RPS29: variants seen among roughly 807,000 people sequenced by gnomAD.
RPS29 encodes small ribosomal subunit protein uS14.
For synonymous variants in RPS29, 37 were observed against 26.9 expected, an observed-to-expected ratio of 1.37 and a Z score of -1.16; for missense variants, 60 against 75.7, an observed-to-expected ratio of 0.79 and a Z score of 0.77.
downstream of RPS29, among the ~76,000 whole-genome samples, chr14:49,581,387 C>G (rs955995126): frequency 1.4e-4 from 21 of 152,132 alleles, 1 homozygote; most frequent in Admixed American, 1.2e-3. Flanking sequence ...ACTTGGATGT[C>G]TAAGACAAGT....
intron 1 of RPS29, chr14:49,597,534 T>C (rs1374546492): frequency 1.3e-5 from 2 of 152,236 alleles, no homozygotes; most frequent in African/African-American, 4.8e-5. Flanking sequence ...CTATAAAGTC[T>C]AATAGTCTGA....
At chr14:49,586,707 T>G (rs959375870), upstream of RPS29, 2 of 268,484 alleles carry the variant, frequency 7.4e-6, no homozygotes, top group East Asian at 8.0e-5. Flanking sequence ...AAGTTCGGCA[T>G]CAATATGGTG....
chr14:49,587,592 G>A (rs1261067345), upstream of RPS29, among the ~76,000 whole-genome samples: 1 of 152,206 alleles, frequency 6.6e-6, no homozygotes, highest in Non-Finnish European at 1.5e-5. Context: ...ATTAAGGAAG[G>A]AGGGGAGTCA....
At chr14:49,576,001 C>G (rs1594565872) in exon 3 of RPS29, 1 of 152,162 alleles carries the variant, frequency 6.6e-6, no homozygotes, top group Non-Finnish European at 1.5e-5. Context: ...CACACATAAT[C>G]TAGGCTAATT....
At chr14:49,584,356 C>T (rs1485608399) in intron 2 of RPS29, among the ~76,000 whole-genome samples, 3 of 152,202 alleles carry the variant, frequency 2.0e-5, no homozygotes, top group Non-Finnish European at 2.9e-5. Flanking sequence ...TCAAATTAGG[C>T]GAACCTCCTC....
downstream of RPS29, chr14:49,583,452 G>C (rs377078566): frequency 3.3e-4 from 139 of 419,200 alleles, 1 homozygote; most frequent in African/African-American, 2.6e-3. Flanking sequence ...GTTGCAGTGA[G>C]CCGAGATCGC....
intron 1 of RPS29, chr14:49,592,454 G>A (rs1881735549): frequency 7.1e-6 from 1 of 141,356 alleles, no homozygotes; most frequent in African/African-American, 2.7e-5. Context: ...CTCAACCTCT[G>A]TCTCCCGGGT....
upstream of RPS29, among the ~76,000 whole-genome samples, chr14:49,588,933 C>T (rs1056223535): frequency 7.1e-6 from 1 of 141,460 alleles, no homozygotes; most frequent in Non-Finnish European, 1.5e-5. Context: ...GCTCTGTGAC[C>T]CAGGCTGGAG....
chr14:49,575,293 T>G (rs1881150724), exon 3 of RPS29: 1 of 152,290 alleles, frequency 6.6e-6, no homozygotes, highest in Non-Finnish European at 1.5e-5. Context: ...TCCACCCGCC[T>G]CAGCCTCCCA....
At chr14:49,571,880 T>C (rs1881065066) in exon 3 of RPS29, 1 of 152,182 alleles carries the variant, frequency 6.6e-6, no homozygotes, top group South Asian at 2.1e-4. Flanking sequence ...TCCTGAGTAA[T>C]GTGAGTCATT....
exon 1 of RPS29, chr14:49,598,649 G>A (rs1201511331): frequency 7.1e-6 from 5 of 700,718 alleles, no homozygotes; most frequent in African/African-American, 7.0e-5. Flanking sequence ...CCCGCAACGC[G>A]TAAAGCGTCA....
intron 2 of RPS29, among the ~76,000 whole-genome samples, chr14:49,584,562 C>G (rs1881450080): frequency 6.6e-6 from 1 of 152,008 alleles, no homozygotes; most frequent in Non-Finnish European, 1.5e-5. Context: ...GTCAGGACCT[C>G]AAGACCAGCT....
chr14:49,596,804 G>T (rs1215617722), intron 1 of RPS29, among the ~76,000 whole-genome samples: 1 of 147,282 alleles, frequency 6.8e-6, no homozygotes, highest in Non-Finnish European at 1.5e-5. Context: ...TTGAGACAAG[G>T]TCTCGCTCTG....
chr14:49,575,458 A>G (rs1881154344), exon 3 of RPS29: 1 of 152,210 alleles, frequency 6.6e-6, no homozygotes, highest in Non-Finnish European at 1.5e-5. Context: ...ACAAACAAAT[A>G]ATGGGAATCC....
At chr14:49,586,604 T>G, upstream of RPS29, 1 of 506,260 alleles carries the variant, frequency 2.0e-6, no homozygotes, top group Non-Finnish European at 3.6e-6. Flanking sequence ...CGCGTGCCTG[T>G]AGTCCCAGCT....
At chr14:49,583,881 G>A (rs1039808616) in intron 2 of RPS29, among the ~76,000 whole-genome samples, 7 of 152,260 alleles carry the variant, frequency 4.6e-5, no homozygotes, top group African/African-American at 1.7e-4. Flanking sequence ...TTTTAGTAAC[G>A]CTATCGCACT....
intron 1 of RPS29, among the ~76,000 whole-genome samples, chr14:49,592,012 T>A (rs1309154905): frequency 6.6e-6 from 1 of 152,168 alleles, no homozygotes; most frequent in Non-Finnish European, 1.5e-5. Flanking sequence ...GCCAGACATA[T>A]ATCTTTATCT....
At chr14:49,598,611 C>T (rs1881895820) in exon 1 of RPS29, 1 of 701,648 alleles carries the variant, frequency 1.4e-6, no homozygotes, top group Non-Finnish European at 2.6e-6. Context: ...CACCTGCCTT[C>T]CCTCGGGAAA....
exon 3 of RPS29, chr14:49,574,271 G>A (rs1217845421): frequency 1.3e-5 from 2 of 152,032 alleles, no homozygotes; most frequent in Non-Finnish European, 2.9e-5. Flanking sequence ...AATTATTATT[G>A]GGTTGTAGAA....
Sources: allele counts gnomAD v4.1 joint callset (sites outside exome capture counted in the v4.1 genomes callset), GRCh38; gene constraint gnomAD v4.1.1; transcripts MANE v1.5; gene names NCBI Gene and HGNC (gene_info 2026-07-23, HGNC 2026-07-21).